HSD17B7: variants seen among roughly 807,000 people sequenced by gnomAD.
HSD17B7 encodes the protein 3-keto-steroid reductase/17-beta-hydroxysteroid dehydrogenase 7.
Under a neutral mutation model 34.1 loss-of-function variants are expected in HSD17B7, and 17 were observed. The ratio of observed to expected loss-of-function variants is 0.50; its 90% CI spans 0.34 to 0.75. The LOEUF (loss-of-function observed/expected upper bound fraction) is 0.75. Ranked by LOEUF, HSD17B7 falls within the 30% of genes least tolerant of loss-of-function variation. The pLI is 0.01. For synonymous variants in HSD17B7, 122 were observed against 154.6 expected (o/e 0.79, Z 1.56); for missense variants, 296 against 406.6 (o/e 0.73, Z 2.34).
At chr1:162,794,342 A>C (rs1422124140) in intron 2 of HSD17B7, among the ~76,000 whole-genome samples, 9 of 152,168 alleles carry the variant, frequency 5.9e-5, no homozygotes, top group Admixed American at 2.0e-4. Flanking sequence ...TTCCAAATGC[A>C]CAAGTTACAA....
At chr1:162,800,806 T>C (rs1297481046) in intron 5 of HSD17B7, among the ~76,000 whole-genome samples, 3 of 152,172 alleles carry the variant, frequency 2.0e-5, no homozygotes, top group South Asian at 2.1e-4. Flanking sequence ...AGGTTTAGGG[T>C]TGAGGAGGAA....
Position 162,796,651 on chromosome 1 carries a change from A to G in HSD17B7, c.306A>G (p.Lys102=), listed in dbSNP as rs1246600886. Residue 102 remains lysine, a synonymous_variant, in exon 3 of 9, where the codon AAA becomes AAG. Coordinates refer to ENST00000254521, the MANE Select transcript of HSD17B7 (RefSeq NM_016371.4). ...TGCCTAATCCACAACTAAATATCAA[A>G]GCACTTTTCTTTGGCCTCTTTTCAA... is the stretch of plus-strand genomic sequence containing the variant. ...GIMPNPQLNI[K]ALFFGLFSRK... 3 of 1,610,826 alleles carry G rather than the reference A, an allele frequency of 1.9e-6. No homozygotes were observed. The highest frequency in any genetic ancestry group is 2.5e-6 in the Non-Finnish European group (3 of 1,177,178).
At position 162,792,724 on chromosome 1, in the gene HSD17B7, C is replaced by T. The variant is rs748999552; in HGVS notation, c.101C>T (p.Ala34Val). ...GATGATGAGCTTCATCTGTGTTTGG[C>T]GTGCAGGAACATGAGCAAGGCAGAA... is the stretch of plus-strand genomic sequence containing the variant. ...AEDDELHLCLACRNMSKAEAV... is the reference protein window; with the variant it reads ...AEDDELHLCLVCRNMSKAEAV... Residue 34 changes from alanine (A) to valine (V), a missense_variant, in exon 2 of 9, where the codon GCG becomes GTG. By Grantham distance (64) the Ala-to-Val change is moderately conservative. Transcript: ENST00000254521. 18 of 1,614,008 alleles carry T rather than the reference C, an allele frequency of 1.1e-5. No individual in the cohort carries two copies. The highest frequency in any genetic ancestry group is 5.3e-5 in the African/African-American group (4 of 74,904).
rs1331751996 is a variant in HSD17B7 at position 162,805,375 on chromosome 1, A to G, written c.805-19A>G. ...CTTGGGCAGAAGAAACAAATCATTG[A>G]CACATCCTTCCTTTCCAGGTATGGC... On this transcript the variant is annotated intron_variant, in intron 7 of 8. Coordinates refer to ENST00000254521, the MANE Select transcript of HSD17B7 (RefSeq NM_016371.4). 1.2e-6 allele frequency: 2 copies of G among 1,611,506 alleles called. No individual in the cohort carries two copies. The highest frequency in any genetic ancestry group is 1.7e-6 in the Non-Finnish European group (2 of 1,178,492).
At chr1:162,805,244 A>G in intron 7 of HSD17B7, 150 bp from the exon 8 acceptor site, 2 of 1,173,874 alleles carry the variant, frequency 1.7e-6, no homozygotes, top group Non-Finnish European at 2.3e-6. Context: ...ATTGGTTCTC[A>G]ATATATTTGC....
chr1:162,806,783 C>T (rs867471122), intron 8 of HSD17B7, among the ~76,000 whole-genome samples: 1 of 152,172 alleles, frequency 6.6e-6, no homozygotes, highest in Non-Finnish European at 1.5e-5. Context: ...GTTCTACAAA[C>T]TGACATACTC....
At chr1:162,811,248 C>A (rs914758558) in intron 8 of HSD17B7, among the ~76,000 whole-genome samples, 11 of 152,168 alleles carry the variant, frequency 7.2e-5, no homozygotes, top group African/African-American at 2.2e-4. Flanking sequence ...ATTGAAAATT[C>A]TTTTCTTTAA....
At chr1:162,795,441 C>T (rs9786956) in intron 2 of HSD17B7, among the ~76,000 whole-genome samples, 37,456 of 152,020 alleles carry the variant, frequency 0.25, 6,116 homozygotes, top group African/African-American at 0.44. Flanking sequence ...ATTTCCTCTC[C>T]GTTCCTAGCC....
chr1:162,798,881 C>T, intron 4 of HSD17B7: 2 of 275,852 alleles, frequency 7.3e-6, no homozygotes, highest in Non-Finnish European at 1.5e-5. Context: ...GTAATCCCAG[C>T]TGCTTGGGAG....
At chr1:162,803,592 G>A (rs1648888742) in intron 6 of HSD17B7, 57 bp downstream of exon 6, 3 of 1,572,082 alleles carry the variant, frequency 1.9e-6, no homozygotes, top group Non-Finnish European at 2.6e-6. Context: ...TTGGGACCTA[G>A]AAGATATGTT....
intron 3 of HSD17B7, 113 bp downstream of exon 3, chr1:162,796,790 T>C (rs2102231218): frequency 2.8e-6 from 2 of 719,010 alleles, no homozygotes; most frequent in Non-Finnish European, 5.0e-6. Flanking sequence ...TTGAAAAGGT[T>C]GAAGACAGAA....
At chr1:162,808,798 T>C (rs1330666785) in intron 8 of HSD17B7, among the ~76,000 whole-genome samples, 1 of 152,216 alleles carries the variant, frequency 6.6e-6, no homozygotes, top group Non-Finnish European at 1.5e-5. Flanking sequence ...AGAATGCTTG[T>C]GATTTTTGCA....
rs753040660 is a variant in HSD17B7 at position 162,790,793 on chromosome 1, G to T, written c.-8G>T. On this transcript the variant is annotated 5_prime_UTR_variant, in exon 1 of 9. Transcript: ENST00000254521. ...TGCTTCACTGCTTGGAAGTGTGAGT[G>T]CGCGAAGATGCGAAAGGTGGTTTTG... is the stretch of plus-strand genomic sequence containing the variant. 1 of 1,611,828 alleles carries T rather than the reference G, an allele frequency of 6.2e-7. No homozygotes were observed. Among genetic ancestry groups the T allele is most frequent in the South Asian group, 1.1e-5 (1 of 90,540 alleles).
chr1:162,794,606 A>G (rs951186130), intron 2 of HSD17B7, among the ~76,000 whole-genome samples: 8 of 152,264 alleles, frequency 5.3e-5, no homozygotes, highest in African/African-American at 1.7e-4. Context: ...TATGGAGATA[A>G]AAACCATGAA....
rs751656638 is a variant in HSD17B7 at position 162,812,369 on chromosome 1, C to T, written c.975C>T (p.Val325=). ...KLLELEKHIR[V]TIQKTDNQAR... ...TGGAACTGGAAAAGCACATTAGGGTCACTATTCAAAAAACAGATAATCAGG... is the reference window on the plus strand; with the variant it reads ...TGGAACTGGAAAAGCACATTAGGGTTACTATTCAAAAAACAGATAATCAGG... The change falls in exon 9 of 9, where the codon GTC becomes GTT. Residue 325 remains valine, a synonymous_variant. Transcript: ENST00000254521. 9 of 1,610,476 alleles carry T rather than the reference C, an allele frequency of 5.6e-6. No homozygotes were observed. In the Admixed American group the frequency reaches 1.5e-4, roughly 27 times the overall value.
rs370681553 is a variant in HSD17B7 at position 162,792,867 on chromosome 1, A to G, written c.239+5A>G. 4 of 1,613,300 alleles carry G rather than the reference A, an allele frequency of 2.5e-6. No homozygotes were observed. The highest frequency in any genetic ancestry group is 1.7e-5 in the Admixed American group (1 of 60,008). On this transcript the variant is annotated splice_donor_5th_base_variant and intron_variant, in intron 2 of 8. Transcript: ENST00000254521. ...CTCCAAGGAACTTAAGCAAAGGTAT[A>G]TCTCTTGCTGATGGATTTTTTTTCT... is the stretch of plus-strand genomic sequence containing the variant.
intron 5 of HSD17B7, 158 bp from the exon 6 acceptor site, chr1:162,803,273 T>C (rs1213201682): frequency 3.3e-5 from 33 of 1,009,572 alleles, no homozygotes; most frequent in Non-Finnish European, 4.5e-5. Flanking sequence ...TTCTTCAACA[T>C]AAACGTTCTA....
chr1:162,795,619 A>G (rs1648575064), intron 2 of HSD17B7: 2 of 458,384 alleles, frequency 4.4e-6, no homozygotes, highest in Non-Finnish European at 8.8e-6. Flanking sequence ...AATTATTTAT[A>G]GGATGATCAA....
chr1:162,790,804 C>G lies in HSD17B7; in HGVS notation c.4C>G (p.Arg2Gly), dbSNP rs778918459. 6.2e-7 allele frequency: 1 copy of G among 1,613,032 alleles called. No homozygotes were observed. M[R>G]KVVLITGASS... ...TTGGAAGTGTGAGTGCGCGAAGATGCGAAAGGTGGTTTTGATCACCGGGGC... is the reference window on the plus strand; with the variant it reads ...TTGGAAGTGTGAGTGCGCGAAGATGGGAAAGGTGGTTTTGATCACCGGGGC... The change falls in exon 1 of 9, where the codon CGA (arginine) becomes GGA (glycine). Residue 2 changes from arginine (R) to glycine (G), a missense_variant. Arg to Gly is a moderately radical substitution (Grantham distance 125, BLOSUM62 -2). Coordinates refer to ENST00000254521, the MANE Select transcript of HSD17B7 (RefSeq NM_016371.4).
Sources: allele counts gnomAD v4.1 joint callset (sites outside exome capture counted in the v4.1 genomes callset), GRCh38; gene constraint gnomAD v4.1.1; transcripts MANE v1.5; gene names NCBI Gene and HGNC (gene_info 2026-07-23, HGNC 2026-07-21).